OTOA: variants seen among roughly 807,000 people sequenced by gnomAD.
OTOA encodes the protein cancer/testis antigen 108.
In OTOA, 70 loss-of-function variants were observed where a neutral mutation model predicts 110.8. That is an observed-to-expected ratio of 0.63 (90% CI 0.52 to 0.77). The LOEUF (loss-of-function observed/expected upper bound fraction) is 0.77. OTOA is among the 30% of genes least tolerant of loss of function. The pLI is 0.00. For synonymous variants in OTOA, 373 were observed against 431.5 expected (o/e 0.86, Z 1.68); for missense variants, 917 against 1,075.8 (o/e 0.85, Z 2.06).
In OTOA at chr16:21,678,752, G is replaced by A. The variant is rs1039992193; in HGVS notation, c.91+147G>A. 4.0e-5 allele frequency: 48 copies of A among 1,205,088 alleles called. No individual in the cohort carries two copies. The African/African-American group carries it at 6.6e-4, about 17-fold the overall frequency. The allele number at this position is 1,205,088 out of a possible 1,614,324, so 74.6% of individuals were successfully genotyped here. A position where few individuals can be genotyped will look rare whatever the true frequency, so the allele number is the denominator to read the frequency against. On this transcript the variant is annotated intron_variant, in intron 2 of 28. Coordinates refer to ENST00000646100, the MANE Select transcript of OTOA (RefSeq NM_144672.4). Reference sequence around the variant, plus strand: ...TGATTTTTCAGGATTATTCTAAGAGGATTTTTCAAGCCACGGTTTTCTCAG... The same window carrying A: ...TGATTTTTCAGGATTATTCTAAGAGAATTTTTCAAGCCACGGTTTTCTCAG...
chr16:21,721,804 A>G (rs1174084387), intron 17 of OTOA, among the ~76,000 whole-genome samples: 1 of 152,152 alleles, frequency 6.6e-6, no homozygotes, highest in Non-Finnish European at 1.5e-5. Context: ...AGGCAGGAGG[A>G]TCACTTGAAC....
intron 1 of OTOA, among the ~76,000 whole-genome samples, chr16:21,674,703 C>T (rs745793311): frequency 8.6e-5 from 13 of 151,254 alleles, no homozygotes; most frequent in Non-Finnish European, 1.8e-4. Flanking sequence ...TTTCAGTGGT[C>T]ATTTTCCTAA....
At chr16:21,671,384 C>G (rs1281883187) in intron 1 of OTOA, among the ~76,000 whole-genome samples, 1 of 151,628 alleles carries the variant, frequency 6.6e-6, no homozygotes, top group Non-Finnish European at 1.5e-5. Context: ...GTCAGGAGTT[C>G]GAGATCAGCC....
chr16:21,705,859 AG>A (rs2141681373), intron 12 of OTOA, among the ~76,000 whole-genome samples: 1 of 152,008 alleles, frequency 6.6e-6, no homozygotes, highest in East Asian at 1.9e-4. Context: ...GAATTGCTTG[AG>A]CCTGGGAGGC....
At chr16:21,714,331 TC>T in intron 13 of OTOA, among the ~76,000 whole-genome samples, 1 of 136,306 alleles carries the variant, frequency 7.3e-6, no homozygotes, top group Non-Finnish European at 1.6e-5. Flanking sequence ...CTTCCTTCCT[TC>T]CTTTCTTTCT....
intron 12 of OTOA, among the ~76,000 whole-genome samples, chr16:21,706,663 T>C (rs1407337602): frequency 6.6e-6 from 1 of 152,074 alleles, no homozygotes; most frequent in Non-Finnish European, 1.5e-5. Context: ...TTGTGGCCCT[T>C]TTCAATTTGC....
rs189486139 is a variant in OTOA at position 21,723,803 on chromosome 16, C to T, written c.1880+825C>T. ...AGGCAAGTTGTTCCTCTGTGGGAACCCTGGAAGATCTAAGGTTAAATTTTC... is the reference window on the plus strand; with the variant it reads ...AGGCAAGTTGTTCCTCTGTGGGAACTCTGGAAGATCTAAGGTTAAATTTTC... On this transcript the variant is annotated intron_variant, in intron 18 of 28. Coordinates refer to ENST00000646100, the MANE Select transcript of OTOA (RefSeq NM_144672.4). Among the ~76,000 whole-genome samples the T allele has an allele frequency of 4.6e-5, 7 of 152,120 alleles. No homozygotes were observed. In the East Asian group the frequency reaches 1.4e-3, roughly 29 times the overall value.
At chr16:21,718,212 C>T (rs1270501062) in intron 15 of OTOA, among the ~76,000 whole-genome samples, 2 of 152,156 alleles carry the variant, frequency 1.3e-5, no homozygotes, top group East Asian at 3.8e-4. Context: ...CCCGCCTTGG[C>T]CTCCCAAAGT....
At chr16:21,749,402 C>A (rs1441209915) in intron 24 of OTOA, among the ~76,000 whole-genome samples, 2 of 133,262 alleles carry the variant, frequency 1.5e-5, no homozygotes, top group Non-Finnish European at 3.2e-5. Flanking sequence ...GTGGCGGGCG[C>A]CTGTAATCCC....
intron 11 of OTOA, among the ~76,000 whole-genome samples, chr16:21,704,306 A>G (rs1375730880): frequency 6.6e-6 from 1 of 152,108 alleles, no homozygotes; most frequent in Non-Finnish European, 1.5e-5. Flanking sequence ...TCTAGAATTT[A>G]GTGATTGTAA....
At position 21,715,256 on chromosome 16, in the gene OTOA, G is replaced by A. The variant is rs564969888; in HGVS notation, c.1488+104G>A. 1.0e-5 allele frequency: 15 copies of A among 1,489,044 alleles called. No individual in the cohort carries two copies. The African/African-American group carries it at 1.5e-4, about 15-fold the overall frequency. The allele number at this position is 1,489,044 out of a possible 1,614,324, so 92.2% of individuals were successfully genotyped here. On this transcript the variant is annotated intron_variant, in intron 14 of 28. Transcript: ENST00000646100. ...GGGCCATGAACCCAGGGCTGGGATTGTCTCAGCTGTTGGTGTCTGGGGTGG... is the reference window on the plus strand; with the variant it reads ...GGGCCATGAACCCAGGGCTGGGATTATCTCAGCTGTTGGTGTCTGGGGTGG...
At chr16:21,670,402 C>T (rs1040821243) in intron 1 of OTOA, among the ~76,000 whole-genome samples, 2 of 152,072 alleles carry the variant, frequency 1.3e-5, no homozygotes, top group East Asian at 3.9e-4. Context: ...CAGATATTCC[C>T]GTGGTTCATT....
chr16:21,668,044 TAAC>T (rs1966844307), intron 1 of OTOA, among the ~76,000 whole-genome samples: 2 of 152,138 alleles, frequency 1.3e-5, no homozygotes, highest in Admixed American at 6.6e-5. Flanking sequence ...TTAAAACTAT[TAAC>T]AATAATTCTT....
At position 21,701,036 on chromosome 16, in the gene OTOA, A is replaced by C. The variant is rs1325744501; in HGVS notation, c.980+9A>C. The C allele has an allele frequency of 6.2e-7, 1 of 1,614,176 alleles. No homozygotes were observed. The highest frequency in any genetic ancestry group is 8.5e-7 in the Non-Finnish European group (1 of 1,180,036). ...ACCTCCACCATCCACAGGCAAGCGC[A>C]TGAGCTCTGGGCCTTGGAGCCCTTT... On this transcript the variant is annotated intron_variant, in intron 11 of 28. Transcript: ENST00000646100.
rs215894 is a variant in OTOA at position 21,678,470 on chromosome 16, T to A, written c.-4-41T>A. 427,185 of 1,180,340 alleles carry A rather than the reference T, an allele frequency of 0.36. 72,595 individuals are homozygous for A. The highest frequency in any genetic ancestry group is 0.4 in the Non-Finnish European group (321,182 of 805,676). 73.1% of individuals were successfully genotyped at this position (1,180,340 alleles called of 1,614,324 possible). ...TGTGTGTGTGTATATATATATATAT[T>A]AAAAAAACATGAATCACTTCTATGC... On this transcript the variant is annotated intron_variant, in intron 1 of 28. Transcript: ENST00000646100.
At chr16:21,723,348 G>T (rs1192802790) in intron 18 of OTOA, among the ~76,000 whole-genome samples, 3 of 151,984 alleles carry the variant, frequency 2.0e-5, no homozygotes, top group African/African-American at 7.3e-5. Context: ...CTGCAGGGTG[G>T]CCCTGCTTTT....
chr16:21,666,019 C>T (rs1966839857), intron 1 of OTOA, among the ~76,000 whole-genome samples: 1 of 151,948 alleles, frequency 6.6e-6, no homozygotes, highest in Non-Finnish European at 1.5e-5. Flanking sequence ...AATGGAGTCT[C>T]CCTATGTTGC....
At chr16:21,703,068 G>A (rs574774107) in intron 11 of OTOA, among the ~76,000 whole-genome samples, 9 of 152,170 alleles carry the variant, frequency 5.9e-5, no homozygotes, top group East Asian at 1.9e-4. Flanking sequence ...ATTGTGGAAT[G>A]GCTAAATCAA....
chr16:21,718,273 G>C (rs1384817892), intron 15 of OTOA, among the ~76,000 whole-genome samples: 1 of 152,030 alleles, frequency 6.6e-6, no homozygotes, highest in Non-Finnish European at 1.5e-5. Context: ...TTTTATTTTG[G>C]AAAATACATT....
Sources: allele counts gnomAD v4.1 joint callset (sites outside exome capture counted in the v4.1 genomes callset), GRCh38; gene constraint gnomAD v4.1.1; transcripts MANE v1.5; gene names NCBI Gene and HGNC (gene_info 2026-07-23, HGNC 2026-07-21).